Variants in KRT8 observed in about 807,000 individuals in gnomAD.
The protein encoded by KRT8 is keratin 8.
Under a neutral mutation model 43.0 loss-of-function variants are expected in KRT8, and 24 were observed. The observed-to-expected ratio is 0.56, with a 90% CI of 0.40 to 0.78. The LOEUF (loss-of-function observed/expected upper bound fraction) is 0.78. KRT8 is among the 30% of genes least tolerant of loss of function. The pLI, the probability that KRT8 is intolerant of heterozygous loss-of-function variation, is 0.00. For missense variants in KRT8, 492 were observed against 638.4 expected (o/e 0.77, Z 2.47); for synonymous variants, 214 against 261.2 (o/e 0.82, Z 1.74).
At chr12:52,933,619 A>T (rs575336968) in intron 2 of KRT8, among the ~76,000 whole-genome samples, 2 of 152,034 alleles carry the variant, frequency 1.3e-5, no homozygotes, top group African/African-American at 4.8e-5. Context: ...AATTTTTTTT[A>T]TTTTTTATTT....
intron 2 of KRT8, chr12:52,947,964 G>A (rs1023656019): frequency 5.3e-5 from 8 of 152,116 alleles, no homozygotes; most frequent in African/African-American, 1.9e-4. Context: ...ATGCATACTG[G>A]TTGAATTGTA....
chr12:52,898,799 T>A (rs1436568533), exon 6 of KRT8: 2 of 1,614,104 alleles, frequency 1.2e-6, no homozygotes, highest in African/African-American at 2.7e-5. Context: ...CTTGGCCCGC[T>A]GCAGGGCGGC....
chr12:52,944,288 G>T (rs1451456115), intron 2 of KRT8, among the ~76,000 whole-genome samples: 1 of 152,174 alleles, frequency 6.6e-6, no homozygotes, highest in Admixed American at 6.5e-5. Context: ...TAGAGACAGG[G>T]TCTTGTTATA....
chr12:52,915,919 C>T (rs983810795), intron 2 of KRT8, among the ~76,000 whole-genome samples: 3 of 152,196 alleles, frequency 2.0e-5, no homozygotes, highest in South Asian at 2.1e-4. Flanking sequence ...ACCTTATCAA[C>T]GGAATATTGA....
upstream of KRT8, among the ~76,000 whole-genome samples, chr12:52,909,269 G>T (rs1189054300): frequency 6.6e-6 from 1 of 152,192 alleles, no homozygotes; most frequent in African/African-American, 2.4e-5. Context: ...AGGTAAAGAG[G>T]CTTCCTGCCT....
upstream of KRT8, chr12:52,906,449 G>A (rs1476302611): frequency 9.4e-6 from 3 of 319,124 alleles, no homozygotes; most frequent in South Asian, 7.5e-5. Flanking sequence ...AGAGGAAATA[G>A]AGGAAGAGTC....
intron 2 of KRT8, among the ~76,000 whole-genome samples, chr12:52,941,535 C>A (rs1942269569): frequency 8.0e-6 from 1 of 125,342 alleles, no homozygotes; most frequent in East Asian, 2.5e-4. Context: ...GTTACCCAGG[C>A]TGGAGTGCAA....
chr12:52,900,539 G>T, intron 4 of KRT8, 49 bp downstream of exon 4: 1 of 1,204,564 alleles, frequency 8.3e-7, no homozygotes, highest in Non-Finnish European at 1.2e-6. Context: ...CAGGGTGGAG[G>T]CGCTGACAAG....
upstream of KRT8, among the ~76,000 whole-genome samples, chr12:52,907,859 C>T (rs575542339): frequency 3.9e-5 from 6 of 152,334 alleles, no homozygotes; most frequent in South Asian, 1.2e-3. Context: ...GCCCCTGGGA[C>T]TAGGGCCAAG....
chr12:52,944,430 T>C (rs961041055), intron 2 of KRT8, among the ~76,000 whole-genome samples: 1 of 152,164 alleles, frequency 6.6e-6, no homozygotes, highest in Admixed American at 6.5e-5. Context: ...TATTCATCCC[T>C]TTGCCCTCCC....
intron 2 of KRT8, among the ~76,000 whole-genome samples, chr12:52,926,839 G>A (rs1200315881): frequency 3.3e-5 from 5 of 152,078 alleles, no homozygotes; most frequent in Non-Finnish European, 7.4e-5. Flanking sequence ...TCCAGGGCCC[G>A]CACATCAGCG....
chr12:52,918,492 C>G (rs577261243), intron 2 of KRT8, among the ~76,000 whole-genome samples: 3 of 152,324 alleles, frequency 2.0e-5, no homozygotes, highest in African/African-American at 4.8e-5. Context: ...CCCCGCCAGA[C>G]AGACGCCGCG....
intron 2 of KRT8, chr12:52,926,332 G>GGCCCACCCC: frequency 6.7e-6 from 4 of 600,262 alleles, no homozygotes; most frequent in Admixed American, 2.3e-5. Flanking sequence ...GGCACTAGCT[G>GGCCCACCCC]CCCTCCCCAC....
chr12:52,901,853 G>C lies in KRT8; in HGVS notation c.533+11C>G. 1 of 1,589,550 alleles carries C rather than the reference G, an allele frequency of 6.3e-7. No homozygotes were observed. The highest frequency in any genetic ancestry group is 1.1e-5 in the South Asian group (1 of 90,568). Reference sequence around the variant, plus strand: ...GTGACTTCAGTTGGGTGGAGGGTGGGAGTTGCTCACTTGTTCTTGAAGTCC... The same window carrying C: ...GTGACTTCAGTTGGGTGGAGGGTGGCAGTTGCTCACTTGTTCTTGAAGTCC... On this transcript the variant is annotated intron_variant, in intron 2 of 7. Transcript: ENST00000692008.
intron 2 of KRT8, among the ~76,000 whole-genome samples, chr12:52,932,407 G>A (rs1942099276): frequency 6.6e-6 from 1 of 152,072 alleles, no homozygotes; most frequent in Non-Finnish European, 1.5e-5. Flanking sequence ...AATAGTGAAA[G>A]AATGATTACT....
At chr12:52,946,799 A>T (rs1592190687) in intron 2 of KRT8, 1 of 152,344 alleles carries the variant, frequency 6.6e-6, no homozygotes, top group East Asian at 1.9e-4. Flanking sequence ...TTTGCCTCCC[A>T]GCCTTCAGCA....
At chr12:52,919,111 A>G (rs1254047857) in intron 2 of KRT8, among the ~76,000 whole-genome samples, 2 of 152,086 alleles carry the variant, frequency 1.3e-5, no homozygotes, top group Non-Finnish European at 2.9e-5. Flanking sequence ...TGCAAATCCA[A>G]TTCCTAGGGA....
At chr12:52,928,926 G>C (rs375352706) in intron 2 of KRT8, among the ~76,000 whole-genome samples, 1 of 151,908 alleles carries the variant, frequency 6.6e-6, no homozygotes, top group East Asian at 1.9e-4. Flanking sequence ...AAATAGAAAG[G>C]GAATCATCCT....
At chr12:52,901,089 A>G (rs1322218911) in intron 3 of KRT8, 70 bp downstream of exon 3, 16 of 1,126,826 alleles carry the variant, frequency 1.4e-5, no homozygotes, top group Non-Finnish European at 2.2e-5. Context: ...CAAAACCCAG[A>G]AAGCTTCTTG....
Sources: gnomAD v4.1 joint callset for allele counts (sites outside exome capture counted in the v4.1 genomes callset) on GRCh38, gnomAD v4.1.1 for gene constraint, MANE v1.5 for transcripts, NCBI Gene and HGNC (gene_info 2026-07-23, HGNC 2026-07-21) for gene names.